The following UBAP2L variants were observed in gnomAD, a reference collection of about 807,000 sequenced individuals.
UBAP2L encodes the protein ubiquitin associated protein 2 like.
UBAP2L carries 12 observed loss-of-function variants against 130.6 expected under a neutral mutation model. That is an observed-to-expected ratio of 0.09 (90% CI 0.06 to 0.15). UBAP2L has a LOEUF of 0.15. Among genes scored for constraint, UBAP2L ranks in the 10% least tolerant of loss-of-function variants. The pLI, the probability that UBAP2L is intolerant of heterozygous loss-of-function variation, is 1.00. For missense variants in UBAP2L, 965 were observed against 1,332.5 expected, an observed-to-expected ratio of 0.72 and a Z score of 4.29; for synonymous variants, 503 against 524.7, an observed-to-expected ratio of 0.96 and a Z score of 0.57.
intron 10 of UBAP2L, among the ~76,000 whole-genome samples, chr1:154,245,915 A>G (rs755137524): frequency 1.8e-5 from 2 of 109,588 alleles, no homozygotes; most frequent in Non-Finnish European, 3.8e-5. Flanking sequence ...ACTTTCTCGA[A>G]ACAAACAAAC....
chr1:154,249,508 G>A, intron 12 of UBAP2L, 71 bp downstream of exon 12: 1 of 1,589,626 alleles, frequency 6.3e-7, no homozygotes, highest in South Asian at 1.1e-5. Flanking sequence ...AGCAGGGGGA[G>A]GGGGTGGAGA....
chr1:154,224,456 C>T (rs1317931364), intron 1 of UBAP2L, among the ~76,000 whole-genome samples: 2 of 152,022 alleles, frequency 1.3e-5, no homozygotes, highest in African/African-American at 4.8e-5. Flanking sequence ...AATACGTACC[C>T]TGTTGAAGGC....
chr1:154,249,170 AGT>A, intron 11 of UBAP2L, 67 bp from the exon 12 acceptor site: 1 of 1,495,044 alleles, frequency 6.7e-7, no homozygotes, highest in Non-Finnish European at 9.3e-7. Context: ...GGTCTGGATA[AGT>A]GTCTTTATGA....
rs1161546406 is a variant in UBAP2L at position 154,270,326 on chromosome 1, T to C, written c.*31T>C. On this transcript the variant is annotated 3_prime_UTR_variant, in exon 27 of 27. Transcript: ENST00000428931. ...TGACCCTCTTCTCCCGGTCCCATCT[T>C]CTGAGAGGGCTTCTCAGCCTGGAAA... 1.9e-6 allele frequency: 3 copies of C among 1,613,618 alleles called. No individual in the cohort carries two copies. The highest frequency in any genetic ancestry group is 2.5e-6 in the Non-Finnish European group (3 of 1,179,810).
At chr1:154,251,352 G>A (rs1484380342) in intron 13 of UBAP2L, 34 bp downstream of exon 13, 1 of 1,594,186 alleles carries the variant, frequency 6.3e-7, no homozygotes, top group Non-Finnish European at 8.5e-7. Context: ...CCATTTTATG[G>A]CAAGGGGTGT....
At chr1:154,257,834 G>A (rs1485207935) in intron 20 of UBAP2L, 3 of 211,602 alleles carry the variant, frequency 1.4e-5, no homozygotes, top group South Asian at 1.6e-4. Flanking sequence ...ATGCATGTGT[G>A]TGTGTGCGTA....
intron 22 of UBAP2L, 124 bp from the exon 23 acceptor site, chr1:154,260,768 T>C: frequency 1.1e-6 from 1 of 920,058 alleles, no homozygotes; most frequent in East Asian, 2.6e-5. Context: ...GAAATGTAAT[T>C]CAAGGAATTG....
rs139259547 is a variant in UBAP2L at position 154,256,374 on chromosome 1, C to A, written c.2157+619C>A. Among the ~76,000 whole-genome samples the A allele has an allele frequency of 2.6e-5, 4 of 152,284 alleles. No homozygotes were observed. In the East Asian group the frequency reaches 7.7e-4, roughly 29 times the overall value. On this transcript the variant is annotated intron_variant, in intron 18 of 26. Transcript: ENST00000428931. ...AATTGTGGACAGGTGCAGTGGCTCA[C>A]CTCTGTAATCCCAACACTTTGGGAG... is the stretch of plus-strand genomic sequence containing the variant.
chr1:154,259,108 A>G, intron 21 of UBAP2L, 78 bp downstream of exon 21: 5 of 1,312,946 alleles, frequency 3.8e-6, no homozygotes, highest in South Asian at 1.2e-5. Context: ...CGTCACAGAC[A>G]TAGCTCTTTC....
chr1:154,263,013 A>G (rs1383838223), intron 24 of UBAP2L: 2 of 1,261,380 alleles, frequency 1.6e-6, no homozygotes, highest in Non-Finnish European at 2.2e-6. Flanking sequence ...GAAACGTATT[A>G]TATCAGCCCT....
chr1:154,252,278 ATTTTTTT>A (rs1186353284), intron 14 of UBAP2L, among the ~76,000 whole-genome samples: 2 of 108,996 alleles, frequency 1.8e-5, no homozygotes, highest in Admixed American at 2.1e-4. Context: ...CCCAGCCCAG[ATTTTTTT>A]TTTTTTTTTT....
At position 154,266,569 on chromosome 1, in the gene UBAP2L, G is replaced by T; in HGVS notation, c.2970+1G>T. The stretch of plus-strand genomic sequence containing the variant: ...GGGTTCTGTGTACTCCAAAACCCAG[G>T]TAGGTGCCTGGCTCTGGATAAAAGT... On this transcript the variant is annotated splice_donor_variant, in intron 25 of 26. Transcript: ENST00000428931. LOFTEE classifies it high-confidence loss of function. 6.2e-7 allele frequency: 1 copy of T among 1,614,102 alleles called. No homozygotes were observed. Among genetic ancestry groups the T allele is most frequent in the Non-Finnish European group, 8.5e-7 (1 of 1,179,992 alleles).
intron 10 of UBAP2L, among the ~76,000 whole-genome samples, chr1:154,245,778 G>C (rs1484891306): frequency 6.6e-6 from 1 of 152,034 alleles, no homozygotes; most frequent in Admixed American, 6.6e-5. Context: ...AAATTAGCCG[G>C]GCGTGGTGGC....
chr1:154,227,142 C>A, intron 2 of UBAP2L, 140 bp from the exon 3 acceptor site: 4 of 675,266 alleles, frequency 5.9e-6, no homozygotes, highest in African/African-American at 1.8e-5. Flanking sequence ...CCCCATTAAG[C>A]GTCCTAAATG....
At chr1:154,224,450 C>T (rs182636596) in intron 1 of UBAP2L, among the ~76,000 whole-genome samples, 60 of 152,192 alleles carry the variant, frequency 3.9e-4, no homozygotes, top group African/African-American at 1.3e-3. Flanking sequence ...GGGGCTAATA[C>T]GTACCCTGTT....
chr1:154,251,981 A>AG (rs1677763150), intron 14 of UBAP2L, among the ~76,000 whole-genome samples: 1 of 151,526 alleles, frequency 6.6e-6, no homozygotes, highest in Admixed American at 6.6e-5. Context: ...TACAAAAAAA[A>AG]TTTTTTTTTA....
intron 3 of UBAP2L, 55 bp from the exon 4 acceptor site, chr1:154,228,560 A>G: frequency 5.2e-6 from 7 of 1,346,672 alleles, no homozygotes; most frequent in Middle Eastern, 1.8e-4. Context: ...GTTTCCTTTC[A>G]TTGGGAGTGT....
At chr1:154,261,189 T>A in intron 23 of UBAP2L, 80 bp downstream of exon 23, 1 of 1,440,258 alleles carries the variant, frequency 6.9e-7, no homozygotes, top group Non-Finnish European at 9.4e-7. Flanking sequence ...TAAGGGTCAA[T>A]GACTTTAATA....
chr1:154,241,626 A>G, intron 9 of UBAP2L, 61 bp downstream of exon 9: 2 of 1,604,766 alleles, frequency 1.2e-6, no homozygotes, highest in Non-Finnish European at 1.7e-6. Flanking sequence ...GTTTAGGGAT[A>G]GAAAATGGGT....
Sources: allele counts gnomAD v4.1 joint callset (sites outside exome capture counted in the v4.1 genomes callset), GRCh38; gene constraint gnomAD v4.1.1; transcripts MANE v1.5; gene names NCBI Gene and HGNC (gene_info 2026-07-23, HGNC 2026-07-21).